LRMDA: variants seen among roughly 807,000 people sequenced by gnomAD.
LRMDA encodes the protein leucine-rich melanocyte differentiation-associated protein.
Under a neutral mutation model 29.8 loss-of-function variants are expected in LRMDA, and 18 were observed. The observed-to-expected ratio is 0.60, with a 90% CI of 0.42 to 0.90. LRMDA has a LOEUF of 0.90. Among genes scored for constraint, LRMDA ranks in the 40% least tolerant of loss-of-function variants. The probability of loss-of-function intolerance (pLI) is 0.00; values close to 1 mark genes in which losing one functional copy is unlikely to be tolerated. For synonymous variants in LRMDA, 125 were observed against 109.4 expected, an observed-to-expected ratio of 1.14 and a Z score of -0.89; for missense variants, 273 against 273.9, an observed-to-expected ratio of 1.00 and a Z score of 0.02.
intron 2 of LRMDA, among the ~76,000 whole-genome samples, chr10:75,594,585 C>T (rs993281360): frequency 3.9e-5 from 6 of 152,204 alleles, no homozygotes; most frequent in Non-Finnish European, 7.3e-5. Context: ...AGCAAACTCT[C>T]AATGGGCCAG....
chr10:75,965,517 T>A (rs1001764376), intron 2 of LRMDA, among the ~76,000 whole-genome samples: 5 of 152,286 alleles, frequency 3.3e-5, no homozygotes, highest in Middle Eastern at 3.4e-3. Flanking sequence ...TATGCTTAGA[T>A]GAATGGCATC....
intron 2 of LRMDA, among the ~76,000 whole-genome samples, chr10:75,956,958 G>A (rs1256101994): frequency 6.6e-6 from 1 of 152,214 alleles, no homozygotes; most frequent in African/African-American, 2.4e-5. Flanking sequence ...TGCCACAACT[G>A]CTACCACTGA....
chr10:76,162,709 C>T (rs564246693), intron 5 of LRMDA, among the ~76,000 whole-genome samples: 1 of 152,232 alleles, frequency 6.6e-6, no homozygotes, highest in African/African-American at 2.4e-5. Context: ...TCACCGTGAT[C>T]CAATAACCTC....
rs59667399 is a variant in LRMDA, at chr10:76,359,886, A to G, written c.601+35401A>G. ...CTTTGCTTCAAAGTGAAATAGCAGC[A>G]AGTTTTACCTTTGCTCATGTACCAT... On this transcript the variant is annotated intron_variant, in intron 6 of 6. Transcript: ENST00000611255. Among the ~76,000 whole-genome samples, 917 of 152,322 alleles carry G rather than the reference A, an allele frequency of 6.0e-3. 9 individuals are homozygous for G. Among genetic ancestry groups the G allele is most frequent in the African/African-American group, 0.018 (765 of 41,574 alleles).
chr10:75,835,391 A>G (rs1334085844), intron 2 of LRMDA, among the ~76,000 whole-genome samples: 3 of 152,140 alleles, frequency 2.0e-5, no homozygotes, highest in Non-Finnish European at 4.4e-5. Flanking sequence ...TACTATTGTG[A>G]TGACATTGGG....
chr10:76,489,888 G>A lies in LRMDA; in HGVS notation c.602-67321G>A, dbSNP rs556432245. ...CACTCATTCTCTCTCCTGCTGCCCT[G>A]TGAAGAGGTGCCTTCTGCCATGATT... On this transcript the variant is annotated intron_variant, in intron 6 of 6. Coordinates refer to ENST00000611255, the MANE Select transcript of LRMDA (RefSeq NM_001305581.2). 3.3e-5 allele frequency among the ~76,000 whole-genome samples: 5 copies of A among 151,836 alleles called. No individual in the cohort carries two copies. The East Asian group carries it at 9.7e-4, about 30-fold the overall frequency.
chr10:76,082,735 C>T (rs781134781), intron 5 of LRMDA, among the ~76,000 whole-genome samples: 2 of 152,146 alleles, frequency 1.3e-5, no homozygotes, highest in Non-Finnish European at 2.9e-5. Context: ...CCCTCATGCC[C>T]TACTGGTAGA....
At chr10:76,283,590 C>T (rs998240960) in intron 5 of LRMDA, among the ~76,000 whole-genome samples, 6 of 152,092 alleles carry the variant, frequency 3.9e-5, no homozygotes, top group African/African-American at 1.4e-4. Context: ...ATAATAACAT[C>T]GATTGAATGC....
chr10:76,245,037 T>A (rs1289138594), intron 5 of LRMDA, among the ~76,000 whole-genome samples: 2 of 152,142 alleles, frequency 1.3e-5, no homozygotes, highest in Non-Finnish European at 2.9e-5. Flanking sequence ...AGTACTAGCA[T>A]TCAATGGTTC....
chr10:75,492,981 C>T (rs1224330229), intron 2 of LRMDA, among the ~76,000 whole-genome samples: 1 of 152,172 alleles, frequency 6.6e-6, no homozygotes, highest in Non-Finnish European at 1.5e-5. Context: ...TTGAGGCTTT[C>T]CGCTGCTGTA....
At chr10:75,946,036 G>T (rs1846470192) in intron 2 of LRMDA, among the ~76,000 whole-genome samples, 1 of 152,204 alleles carries the variant, frequency 6.6e-6, no homozygotes, top group South Asian at 2.1e-4. Flanking sequence ...CTGCTCAGAT[G>T]CACTGGCTAG....
At chr10:76,126,792 A>G (rs975877672) in intron 5 of LRMDA, among the ~76,000 whole-genome samples, 1 of 152,170 alleles carries the variant, frequency 6.6e-6, no homozygotes, top group South Asian at 2.1e-4. Flanking sequence ...CATGTTAAAA[A>G]CCACAAGAGA....
At chr10:75,619,800 A>G (rs1234820391) in intron 2 of LRMDA, among the ~76,000 whole-genome samples, 1 of 152,178 alleles carries the variant, frequency 6.6e-6, no homozygotes, top group Non-Finnish European at 1.5e-5. Context: ...TACTCTGGTC[A>G]TAGCCAGACT....
intron 5 of LRMDA, among the ~76,000 whole-genome samples, chr10:76,146,134 G>A (rs12412403): frequency 0.14 from 20,608 of 152,018 alleles, 1,544 homozygotes; most frequent in East Asian, 0.24. Flanking sequence ...TTTGGAGTAG[G>A]TGTGGTGTGG....
At chr10:75,961,759 A>G (rs1330191955) in intron 2 of LRMDA, among the ~76,000 whole-genome samples, 4 of 152,260 alleles carry the variant, frequency 2.6e-5, no homozygotes, top group Non-Finnish European at 5.9e-5. Flanking sequence ...CTGGGAAACC[A>G]TAACAAAGTA....
chr10:75,569,028 T>C (rs1007642135), intron 2 of LRMDA, among the ~76,000 whole-genome samples: 1 of 152,172 alleles, frequency 6.6e-6, no homozygotes, highest in Non-Finnish European at 1.5e-5. Context: ...CTCTTTGTTG[T>C]TACTGGTGGG....
chr10:76,027,179 G>A (rs1848076302), intron 2 of LRMDA, among the ~76,000 whole-genome samples: 1 of 152,086 alleles, frequency 6.6e-6, no homozygotes, highest in Non-Finnish European at 1.5e-5. Context: ...CTTTGAATCT[G>A]GCACCTGGAA....
At chr10:76,326,089 T>C in intron 6 of LRMDA, among the ~76,000 whole-genome samples, 1 of 152,158 alleles carries the variant, frequency 6.6e-6, no homozygotes, top group Admixed American at 6.5e-5. Context: ...ATTTAACATG[T>C]TGGTTGCCTG....
At chr10:75,974,868 G>T (rs1847043612) in intron 2 of LRMDA, among the ~76,000 whole-genome samples, 1 of 152,174 alleles carries the variant, frequency 6.6e-6, no homozygotes, top group Non-Finnish European at 1.5e-5. Flanking sequence ...TTATTAACAT[G>T]ATGAGGATTA....
Sources: allele counts gnomAD v4.1 joint callset (sites outside exome capture counted in the v4.1 genomes callset), GRCh38; gene constraint gnomAD v4.1.1; transcripts MANE v1.5; gene names NCBI Gene and HGNC (gene_info 2026-07-23, HGNC 2026-07-21).